The following MARCHF8 variants were observed in gnomAD, a reference collection of about 807,000 sequenced individuals.
MARCHF8 encodes membrane associated ring-CH-type finger 8, also known as E3 ubiquitin-protein ligase MARCHF8.
A neutral mutation model predicts 51.6 loss-of-function variants in MARCHF8; 40 were observed. The observed-to-expected ratio is 0.77, with a 90% CI of 0.60 to 1.01. MARCHF8 has a LOEUF of 1.01. MARCHF8 is among the 50% of genes least tolerant of loss of function. MARCHF8 has a pLI of 0.00. For synonymous variants in MARCHF8, 263 were observed against 280.3 expected, an observed-to-expected ratio of 0.94 and a Z score of 0.62; for missense variants, 685 against 708.6, an observed-to-expected ratio of 0.97 and a Z score of 0.38.
At chr10:45,493,013 G>A (rs981958904) in intron 2 of MARCHF8, among the ~76,000 whole-genome samples, 9 of 152,222 alleles carry the variant, frequency 5.9e-5, no homozygotes, top group Admixed American at 2.6e-4. Flanking sequence ...GCTGGATTTC[G>A]AGTTTGTGGA....
chr10:45,577,439 A>G (rs1318973135), intron 1 of MARCHF8, among the ~76,000 whole-genome samples: 1 of 152,186 alleles, frequency 6.6e-6, no homozygotes, highest in African/African-American at 2.4e-5. Flanking sequence ...CGATATGATT[A>G]TTTCACATTG....
Position 45,567,517 on chromosome 10 carries a change from G to A in MARCHF8, c.-79+26718C>T, listed in dbSNP as rs566169463. On this transcript the variant is annotated intron_variant, in intron 1 of 6. Transcript: ENST00000319836. Reference sequence around the variant, plus strand: ...TATGGATATCCAGTTTTCTCAGCACGATTTATTGAAGAGACTGTCTTTTCC... The same window carrying A: ...TATGGATATCCAGTTTTCTCAGCACAATTTATTGAAGAGACTGTCTTTTCC... 9.9e-5 allele frequency among the ~76,000 whole-genome samples: 15 copies of A among 152,256 alleles called. 1 individual carries two copies. In the East Asian group the frequency reaches 2.3e-3, roughly 23 times the overall value.
intron 1 of MARCHF8, among the ~76,000 whole-genome samples, chr10:45,564,082 C>A (rs1413762497): frequency 1.3e-5 from 2 of 152,188 alleles, no homozygotes; most frequent in Non-Finnish European, 2.9e-5. Flanking sequence ...TCGAAACCAG[C>A]CTGGCCAACA....
intron 2 of MARCHF8, among the ~76,000 whole-genome samples, chr10:45,523,290 C>T (rs1471346860): frequency 6.6e-6 from 1 of 152,200 alleles, no homozygotes; most frequent in African/African-American, 2.4e-5. Context: ...CTTTGGAAAG[C>T]CAAGGTGGGA....
intron 1 of MARCHF8, among the ~76,000 whole-genome samples, chr10:45,574,135 C>T (rs1033495382): frequency 2.1e-4 from 32 of 152,180 alleles, no homozygotes; most frequent in African/African-American, 7.7e-4. Flanking sequence ...GGCAACCGAT[C>T]ATGCACCTCT....
At chr10:45,554,627 G>A (rs1464892356) in intron 1 of MARCHF8, among the ~76,000 whole-genome samples, 1 of 152,216 alleles carries the variant, frequency 6.6e-6, no homozygotes, top group African/African-American at 2.4e-5. Context: ...GGCCAAAGAA[G>A]AGACAATGTG....
rs183551679 is a variant in MARCHF8 at position 45,486,994 on chromosome 10, A to G, written c.153+2373T>C. ...CTGGCTATTTTTTTGGAATTTTAGT[A>G]AAGATGGGGTTTCATCATGTTGGCC... On this transcript the variant is annotated intron_variant, in intron 3 of 7. Transcript: ENST00000453424. Among the ~76,000 whole-genome samples, 911 of 151,648 alleles carry G rather than the reference A, an allele frequency of 6.0e-3. 10 individuals are homozygous for G. Among genetic ancestry groups the G allele is most frequent in the African/African-American group, 0.021 (853 of 41,304 alleles).
At chr10:45,519,499 T>A (rs2043672564) in intron 2 of MARCHF8, among the ~76,000 whole-genome samples, 1 of 152,250 alleles carries the variant, frequency 6.6e-6, no homozygotes, top group Non-Finnish European at 1.5e-5. Flanking sequence ...TATTTTATGC[T>A]TTGCAAGTCA....
intron 3 of MARCHF8, among the ~76,000 whole-genome samples, chr10:45,484,203 C>T (rs2042940377): frequency 6.6e-6 from 1 of 152,054 alleles, no homozygotes; most frequent in African/African-American, 2.4e-5. Flanking sequence ...AAAAAGAAAA[C>T]CAATCAAATG....
In MARCHF8 at chr10:45,463,191, G is replaced by A; in HGVS notation, c.1048C>T (p.Pro350Ser). The change falls in exon 5 of 8, where the codon CCC becomes TCC. Residue 350 changes from proline (P) to serine (S), a missense_variant. Coordinates refer to ENST00000453424, the MANE Select transcript of MARCHF8 (RefSeq NM_001282866.2). ...DCPSPFSEKL[P>S]PISPVSTSGD... ...GACGTGGACACGGGAGATATGGGGG[G>A]TAATTTTTCAGAGAAGGGAGAAGGA... is the stretch of plus-strand genomic sequence containing the variant. 1.3e-6 allele frequency: 2 copies of A among 1,550,642 alleles called. No individual in the cohort carries two copies. The highest frequency in any genetic ancestry group is 1.7e-6 in the Non-Finnish European group (2 of 1,146,998).
At chr10:45,487,248 A>T (rs1227492868) in intron 3 of MARCHF8, among the ~76,000 whole-genome samples, 1 of 152,214 alleles carries the variant, frequency 6.6e-6, no homozygotes, top group Non-Finnish European at 1.5e-5. Flanking sequence ...AGCCAGGACA[A>T]TAGCCTTTCC....
intron 3 of MARCHF8, among the ~76,000 whole-genome samples, chr10:45,477,652 A>G (rs1001859953): frequency 6.6e-6 from 1 of 152,190 alleles, no homozygotes; most frequent in African/African-American, 2.4e-5. Flanking sequence ...ACATTACTCA[A>G]CTATATGCTG....
chr10:45,560,895 T>C (rs2044303023), intron 1 of MARCHF8, among the ~76,000 whole-genome samples: 1 of 152,150 alleles, frequency 6.6e-6, no homozygotes, highest in African/African-American at 2.4e-5. Context: ...TTTCTGTTCC[T>C]TAAAATCAAA....
rs754578764 is a variant in MARCHF8 at position 45,463,260 on chromosome 10, G to A, written c.979C>T (p.Arg327Trp). 9.0e-6 allele frequency: 14 copies of A among 1,550,928 alleles called. No individual in the cohort carries two copies. The East Asian group carries it at 1.5e-4, about 16-fold the overall frequency. Residue 327 changes from arginine (R) to tryptophan (W), a missense_variant, in exon 5 of 8, where the codon CGG becomes TGG. Physicochemically the swap from Arg to Trp is moderately radical, Grantham distance 101. Transcript: ENST00000453424. ...TTTTCCGTGGAGCAGAGGGGCGCCC[G>A]CAGAACCCTACTCTTCAGTTTTGCA... ...TSAKLKSRVLRAPLCSTEKDS... is the reference protein window; with the variant it reads ...TSAKLKSRVLWAPLCSTEKDS...
At chr10:45,460,284 T>C (rs1842746738) in intron 6 of MARCHF8, among the ~76,000 whole-genome samples, 1 of 152,184 alleles carries the variant, frequency 6.6e-6, no homozygotes, top group East Asian at 1.9e-4. Flanking sequence ...TTCTAGGGTA[T>C]GCTTTACTCC....
intron 1 of MARCHF8, among the ~76,000 whole-genome samples, chr10:45,541,766 G>A (rs1258306584): frequency 6.6e-6 from 1 of 152,076 alleles, no homozygotes; most frequent in Non-Finnish European, 1.5e-5. Flanking sequence ...GGGAACGTTG[G>A]GTAAGAAAAG....
chr10:45,514,579 A>G (rs566145991), intron 2 of MARCHF8, among the ~76,000 whole-genome samples: 1 of 152,374 alleles, frequency 6.6e-6, no homozygotes, highest in East Asian at 1.9e-4. Context: ...TCAAGGAACG[A>G]GGCAGTGAAT....
At chr10:45,584,153 ATATATATATATATATC>A (rs1301582143) in intron 1 of MARCHF8, among the ~76,000 whole-genome samples, 3 of 137,682 alleles carry the variant, frequency 2.2e-5, no homozygotes, top group African/African-American at 8.4e-5. Flanking sequence ...ATATATATAT[ATATATATATATATATC>A]AAGAAATTCT....
intron 1 of MARCHF8, among the ~76,000 whole-genome samples, chr10:45,570,296 C>G (rs939835541): frequency 6.6e-6 from 1 of 151,974 alleles, no homozygotes; most frequent in Non-Finnish European, 1.5e-5. Flanking sequence ...CAGTAACTTA[C>G]AAAAAGAATA....
Sources: gnomAD v4.1 joint callset for allele counts (sites outside exome capture counted in the v4.1 genomes callset) on GRCh38, gnomAD v4.1.1 for gene constraint, MANE v1.5 for transcripts, NCBI Gene and HGNC (gene_info 2026-07-23, HGNC 2026-07-21) for gene names.